ZNF664: variants seen among roughly 807,000 people sequenced by gnomAD.
ZNF664 encodes the protein zinc finger protein 664, also known as zinc finger Organ of Corti 1.
Under a neutral mutation model 18.2 loss-of-function variants are expected in ZNF664, and 10 were observed. That is an observed-to-expected ratio of 0.55 (90% CI 0.34 to 0.93). The LOEUF is 0.93. ZNF664 is among the 40% of genes least tolerant of loss of function. The pLI is 0.02. For synonymous variants in ZNF664, 119 were observed against 104.2 expected, an observed-to-expected ratio of 1.14 and a Z score of -0.86; for missense variants, 193 against 319.0, an observed-to-expected ratio of 0.61 and a Z score of 3.01.
chr12:123,990,590 A>T (rs970521171), intron 3 of ZNF664, among the ~76,000 whole-genome samples: 2 of 152,124 alleles, frequency 1.3e-5, no homozygotes, highest in Non-Finnish European at 2.9e-5. Flanking sequence ...AGGTCTTACT[A>T]CCACAGTGGA....
chr12:124,009,388 A>G (rs1339554116), intron 3 of ZNF664, among the ~76,000 whole-genome samples: 1 of 152,186 alleles, frequency 6.6e-6, no homozygotes, highest in East Asian at 1.9e-4. Context: ...TTCCAGAGTC[A>G]TGTAACAGTA....
At chr12:123,989,767 G>A (rs1229083285) in intron 3 of ZNF664, among the ~76,000 whole-genome samples, 1 of 152,198 alleles carries the variant, frequency 6.6e-6, no homozygotes, top group African/African-American at 2.4e-5. Flanking sequence ...TCCAGTGCCA[G>A]TCCTACAAGA....
At chr12:124,007,630 G>T (rs576935730) in intron 3 of ZNF664, among the ~76,000 whole-genome samples, 1 of 152,274 alleles carries the variant, frequency 6.6e-6, no homozygotes, top group South Asian at 2.1e-4. Context: ...GCCCCTCTAT[G>T]CGGTGGTCCT....
chr12:123,985,712 C>G (rs1956816394), intron 2 of ZNF664, among the ~76,000 whole-genome samples: 1 of 152,210 alleles, frequency 6.6e-6, no homozygotes, highest in South Asian at 2.1e-4. Flanking sequence ...TAAGCATACA[C>G]TTATCCAAGG....
chr12:124,004,223 AAG>A (rs1333434943), intron 3 of ZNF664, among the ~76,000 whole-genome samples: 2 of 152,198 alleles, frequency 1.3e-5, no homozygotes, highest in East Asian at 1.9e-4. Context: ...ATGATGACAG[AAG>A]AGAGAGGTGA....
At position 124,012,113 on chromosome 12, in the gene ZNF664, T is replaced by C. The variant is rs775696602; in HGVS notation, c.-32T>C. On this transcript the variant is annotated 5_prime_UTR_variant, in exon 5 of 5. Coordinates refer to ENST00000337815, the MANE Select transcript of ZNF664 (RefSeq NM_152437.3). Reference sequence around the variant, plus strand: ...AACTGTAGTAATCATAAGGAAATTTTCTCCTTGAAATCACGATACCAAATA... The same window carrying C: ...AACTGTAGTAATCATAAGGAAATTTCCTCCTTGAAATCACGATACCAAATA... 6.4e-7 allele frequency: 1 copy of C among 1,573,246 alleles called. No individual in the cohort carries two copies. Among genetic ancestry groups the C allele is most frequent in the Non-Finnish European group, 8.6e-7 (1 of 1,166,608 alleles).
intron 3 of ZNF664, among the ~76,000 whole-genome samples, chr12:123,999,146 C>T (rs1224486102): frequency 6.6e-6 from 1 of 152,140 alleles, no homozygotes; most frequent in Non-Finnish European, 1.5e-5. Context: ...GACACAATTG[C>T]CTGCTGTATG....
intron 2 of ZNF664, among the ~76,000 whole-genome samples, chr12:123,975,206 C>A (rs139226721): frequency 6.6e-6 from 1 of 152,154 alleles, no homozygotes; most frequent in East Asian, 1.9e-4. Flanking sequence ...GTTTTATTAG[C>A]CTTTGTGATC....
chr12:124,013,731 G>C lies in ZNF664; in HGVS notation c.*801G>C, dbSNP rs530791307. ...GGAGGAAGAAGCAAGCAAAGTGAGA[G>C]CTTTTCTTCATCCAGAATTGCCCTC... On this transcript the variant is annotated 3_prime_UTR_variant, in exon 5 of 5. Transcript: ENST00000337815. 17 of 167,250 alleles carry C rather than the reference G, an allele frequency of 1.0e-4. No individual in the cohort carries two copies. The highest frequency in any genetic ancestry group is 4.1e-4 in the African/African-American group (17 of 41,590). The allele number at this position is 167,250 out of a possible 1,614,324, so 10.4% of individuals were successfully genotyped here.
At chr12:124,000,552 C>A (rs1566204571) in intron 3 of ZNF664, among the ~76,000 whole-genome samples, 1 of 152,134 alleles carries the variant, frequency 6.6e-6, no homozygotes, top group Non-Finnish European at 1.5e-5. Context: ...ATAAATAGGG[C>A]TGTAGTGTAA....
At chr12:124,006,481 A>G (rs759556418) in intron 3 of ZNF664, among the ~76,000 whole-genome samples, 22 of 152,142 alleles carry the variant, frequency 1.4e-4, no homozygotes, top group Non-Finnish European at 2.9e-4. Context: ...TTCTCTCAGG[A>G]TATGGTTCTT....
At chr12:123,984,816 T>A (rs1956805308) in intron 2 of ZNF664, among the ~76,000 whole-genome samples, 1 of 152,082 alleles carries the variant, frequency 6.6e-6, no homozygotes, top group African/African-American at 2.4e-5. Context: ...GGCATCATCA[T>A]CATGGAAATG....
rs768121363 is a variant in ZNF664, at chr12:124,012,128, G to A, written c.-17G>A. The A allele has an allele frequency of 2.1e-5, 34 of 1,585,800 alleles. No individual in the cohort carries two copies. The Middle Eastern group carries it at 8.5e-4, about 40-fold the overall frequency. On this transcript the variant is annotated 5_prime_UTR_variant, in exon 5 of 5. Coordinates refer to ENST00000337815, the MANE Select transcript of ZNF664 (RefSeq NM_152437.3). ...AAGGAAATTTTCTCCTTGAAATCAC[G>A]ATACCAAATAGGAAAAATGATCTAC...
In ZNF664 at chr12:123,973,296, A is replaced by T; in HGVS notation, c.-948A>T. The T allele has an allele frequency of 2.0e-6, 2 of 981,266 alleles. No homozygotes were observed. The highest frequency in any genetic ancestry group is 2.4e-6 in the Non-Finnish European group (2 of 828,988). The allele number at this position is 981,266 out of a possible 1,614,324, so 60.8% of individuals were successfully genotyped here. ...GCGCACCTGTGAGGTGTCCCTGAGG[A>T]GAGGGAGGTGGGTGCGCGGCGCCCG... On this transcript the variant is annotated 5_prime_UTR_variant, in exon 1 of 5. Transcript: ENST00000337815.
intron 3 of ZNF664, among the ~76,000 whole-genome samples, chr12:124,001,132 C>T (rs7976904): frequency 0.041 from 6,296 of 152,236 alleles, 405 homozygotes; most frequent in African/African-American, 0.13. Flanking sequence ...TTGGCATTTC[C>T]TTGTCCCTCA....
At chr12:124,002,773 C>T (rs1957028262) in intron 3 of ZNF664, among the ~76,000 whole-genome samples, 1 of 152,126 alleles carries the variant, frequency 6.6e-6, no homozygotes, top group African/African-American at 2.4e-5. Flanking sequence ...GTTGTAGTGC[C>T]TTTCAGCAGA....
chr12:123,992,130 C>G (rs1375746234), intron 3 of ZNF664, among the ~76,000 whole-genome samples: 2 of 152,072 alleles, frequency 1.3e-5, no homozygotes, highest in Non-Finnish European at 2.9e-5. Context: ...GAACATAGAA[C>G]TTTGGTGTGT....
At chr12:123,983,919 A>C (rs1956795135) in intron 2 of ZNF664, among the ~76,000 whole-genome samples, 1 of 152,202 alleles carries the variant, frequency 6.6e-6, no homozygotes, top group South Asian at 2.1e-4. Context: ...ACCTGCACAA[A>C]GCGGGTTGCA....
At chr12:123,995,196 A>G (rs116318939) in intron 3 of ZNF664, among the ~76,000 whole-genome samples, 369 of 152,306 alleles carry the variant, frequency 2.4e-3, no homozygotes, top group African/African-American at 8.4e-3. Context: ...TTGTGCAGCT[A>G]AGCCCCATCC....
Sources: gnomAD v4.1 joint callset for allele counts (sites outside exome capture counted in the v4.1 genomes callset) on GRCh38, gnomAD v4.1.1 for gene constraint, MANE v1.5 for transcripts, NCBI Gene and HGNC (gene_info 2026-07-23, HGNC 2026-07-21) for gene names.